Variants in SNTG1 observed in about 807,000 individuals in gnomAD.
SNTG1 encodes the protein gamma-1-syntrophin.
SNTG1 carries 39 observed loss-of-function variants against 74.7 expected under a neutral mutation model. That is an observed-to-expected ratio of 0.52 (90% CI 0.40 to 0.68). The LOEUF is 0.68. Among genes scored for constraint, SNTG1 ranks in the 30% least tolerant of loss-of-function variants. The probability of loss-of-function intolerance (pLI) is 0.00; values close to 1 mark genes in which losing one functional copy is unlikely to be tolerated. For missense variants in SNTG1, 685 were observed against 609.5 expected (o/e 1.12, Z -1.30); for synonymous variants, 254 against 217.1 (o/e 1.17, Z -1.49).
At chr8:50,035,620 T>C (rs1563503338) in intron 1 of SNTG1, among the ~76,000 whole-genome samples, 1 of 152,200 alleles carries the variant, frequency 6.6e-6, no homozygotes, top group Admixed American at 6.5e-5. Context: ...CTGTGGTCAG[T>C]TCAATCCAAC....
intron 1 of SNTG1, among the ~76,000 whole-genome samples, chr8:50,170,178 T>C (rs1189624687): frequency 6.6e-6 from 1 of 152,168 alleles, no homozygotes; most frequent in Non-Finnish European, 1.5e-5. Flanking sequence ...GACGACAGCA[T>C]GTTGTTCTTT....
intron 2 of SNTG1, among the ~76,000 whole-genome samples, chr8:50,233,037 A>G (rs540111103): frequency 6.6e-6 from 1 of 151,714 alleles, no homozygotes; most frequent in East Asian, 1.9e-4. Flanking sequence ...TTTCAACTTG[A>G]TATGTTGTGG....
intron 1 of SNTG1, among the ~76,000 whole-genome samples, chr8:50,091,128 T>C (rs982380370): frequency 1.3e-5 from 2 of 152,056 alleles, no homozygotes; most frequent in Non-Finnish European, 2.9e-5. Context: ...TTTTTCTTAA[T>C]TTGGAGCAAG....
intron 1 of SNTG1, among the ~76,000 whole-genome samples, chr8:49,953,810 GA>G (rs1378602503): frequency 6.6e-6 from 1 of 152,018 alleles, no homozygotes; most frequent in Non-Finnish European, 1.5e-5. Context: ...GTTTTGTGCA[GA>G]TTCCGTTTGC....
chr8:50,185,615 C>T (rs143916169), intron 2 of SNTG1, among the ~76,000 whole-genome samples: 7 of 152,266 alleles, frequency 4.6e-5, no homozygotes, highest in African/African-American at 1.4e-4. Context: ...TGCTTAAGGT[C>T]ATATTTATCA....
chr8:50,598,653 A>T (rs1282610360), intron 13 of SNTG1, among the ~76,000 whole-genome samples: 1 of 152,056 alleles, frequency 6.6e-6, no homozygotes, highest in Non-Finnish European at 1.5e-5. Flanking sequence ...TTAAATATGT[A>T]GATGGCTTTG....
intron 8 of SNTG1, among the ~76,000 whole-genome samples, chr8:50,468,860 T>G (rs2093629643): frequency 6.6e-6 from 1 of 152,198 alleles, no homozygotes; most frequent in African/African-American, 2.4e-5. Context: ...CATTTTCAGA[T>G]AGCACTGTGC....
intron 18 of SNTG1, among the ~76,000 whole-genome samples, chr8:50,777,966 T>C (rs901057311): frequency 6.6e-6 from 1 of 151,972 alleles, no homozygotes; most frequent in Non-Finnish European, 1.5e-5. Context: ...GGTTTTTTGT[T>C]CTTGCGATAG....
At chr8:50,084,888 C>G (rs967756730) in intron 1 of SNTG1, among the ~76,000 whole-genome samples, 2 of 152,184 alleles carry the variant, frequency 1.3e-5, no homozygotes, top group African/African-American at 4.8e-5. Flanking sequence ...AGCAAGAAGG[C>G]CTTCACCAGA....
intron 15 of SNTG1, among the ~76,000 whole-genome samples, chr8:50,698,533 G>C (rs1056355905): frequency 2.0e-5 from 3 of 152,088 alleles, no homozygotes; most frequent in African/African-American, 4.8e-5. Context: ...CCAATGGCTG[G>C]AGCCCATGCC....
intron 2 of SNTG1, among the ~76,000 whole-genome samples, chr8:50,333,398 C>T (rs916323178): frequency 6.6e-6 from 1 of 152,176 alleles, no homozygotes; most frequent in Non-Finnish European, 1.5e-5. Flanking sequence ...TTTATATGTT[C>T]CCTAAACTTT....
chr8:50,229,433 A>T (rs1160161771), intron 2 of SNTG1, among the ~76,000 whole-genome samples: 2 of 151,542 alleles, frequency 1.3e-5, no homozygotes, highest in Admixed American at 1.3e-4. Context: ...AATTAAAAAA[A>T]TAAAAATAAA....
At chr8:50,594,673 A>C (rs1220704215) in intron 13 of SNTG1, among the ~76,000 whole-genome samples, 1 of 152,152 alleles carries the variant, frequency 6.6e-6, no homozygotes, top group Non-Finnish European at 1.5e-5. Context: ...ATTACAGGAC[A>C]CTTTAAAAAT....
At chr8:50,598,846 T>G (rs1372120072) in intron 13 of SNTG1, among the ~76,000 whole-genome samples, 1 of 152,020 alleles carries the variant, frequency 6.6e-6, no homozygotes, top group East Asian at 1.9e-4. Flanking sequence ...TAAATGAAAT[T>G]GCTTCCTAAT....
At chr8:50,233,809 T>C (rs1428982157) in intron 2 of SNTG1, among the ~76,000 whole-genome samples, 8 of 151,814 alleles carry the variant, frequency 5.3e-5, no homozygotes, top group Admixed American at 2.0e-4. Flanking sequence ...ATGTTAAACA[T>C]CATTAAACTT....
At chr8:50,563,161 AG>A (rs1160318636) in intron 12 of SNTG1, among the ~76,000 whole-genome samples, 1 of 152,204 alleles carries the variant, frequency 6.6e-6, no homozygotes, top group African/African-American at 2.4e-5. Flanking sequence ...GTGTCTGTGA[AG>A]ATGGGGCCTA....
chr8:50,746,055 A>G (rs2095554426), intron 17 of SNTG1, among the ~76,000 whole-genome samples: 1 of 152,044 alleles, frequency 6.6e-6, no homozygotes, highest in African/African-American at 2.4e-5. Flanking sequence ...CCACACCAAA[A>G]GAAAATGTGA....
chr8:50,086,273 T>A (rs886888645), intron 1 of SNTG1, among the ~76,000 whole-genome samples: 1 of 152,118 alleles, frequency 6.6e-6, no homozygotes, highest in Non-Finnish European at 1.5e-5. Context: ...TAGTGTTGTT[T>A]TTTCTCTCTG....
chr8:50,035,212 G>T (rs981402179), intron 1 of SNTG1, among the ~76,000 whole-genome samples: 3 of 152,150 alleles, frequency 2.0e-5, no homozygotes, highest in Non-Finnish European at 2.9e-5. Context: ...TTCCTCCTGG[G>T]TGTCTCTCTT....
Sources: gnomAD v4.1 joint callset for allele counts (sites outside exome capture counted in the v4.1 genomes callset) on GRCh38, gnomAD v4.1.1 for gene constraint, MANE v1.5 for transcripts, NCBI Gene and HGNC (gene_info 2026-07-23, HGNC 2026-07-21) for gene names.